The following DOCK6 variants were observed in gnomAD, a reference collection of about 807,000 sequenced individuals.
DOCK6 encodes dedicator of cytokinesis protein 6.
DOCK6 carries 167 observed loss-of-function variants against 230.3 expected under a neutral mutation model. That is an observed-to-expected ratio of 0.73 (90% CI 0.64 to 0.82). The LOEUF (loss-of-function observed/expected upper bound fraction) is 0.82, where lower values mean the gene tolerates loss of function less well. Ranked by LOEUF, DOCK6 falls within the 40% of genes least tolerant of loss-of-function variation. The pLI is 0.00. For synonymous variants in DOCK6, 1,148 were observed against 1,185.0 expected (o/e 0.97, Z 0.64); for missense variants, 2,598 against 2,825.8 (o/e 0.92, Z 1.83).
rs370375778 is a variant in DOCK6, at chr19:11,214,412, G to A, written c.4204-3C>T. 6.3e-5 allele frequency: 102 copies of A among 1,613,742 alleles called. No individual in the cohort carries two copies. The African/African-American group carries it at 1.2e-3, about 19-fold the overall frequency. On this transcript the variant is annotated splice_region_variant and splice_polypyrimidine_tract_variant and intron_variant, in intron 33 of 47. Coordinates refer to ENST00000294618, the MANE Select transcript of DOCK6 (RefSeq NM_020812.4). The stretch of plus-strand genomic sequence containing the variant: ...CGGGCTTCTGAAAGCATCACCGTCT[G>A]GAGGGAAGGGGGTCAGAAATCCAGG...
In DOCK6 at chr19:11,222,995, G is replaced by C. The variant is rs1330624998; in HGVS notation, c.3067C>G (p.Gln1023Glu). 6.2e-7 allele frequency: 1 copy of C among 1,613,646 alleles called. No homozygotes were observed. Among genetic ancestry groups the C allele is most frequent in the Non-Finnish European group, 8.5e-7 (1 of 1,179,848 alleles). ...ACCCTGCCCACGCCCACTCCTACCT[G>C]CTTGTAGTGGGCCCGGACCAGGCTG... is the stretch of plus-strand genomic sequence containing the variant. Reference protein sequence around the residue: ...VFSLVRAHYKQVATRLQSSPN... With the variant: ...VFSLVRAHYKEVATRLQSSPN... Residue 1023 changes from glutamine (Q) to glutamate (E), a missense_variant and splice_region_variant, in exon 25 of 48, where the codon CAG becomes GAG. Gln to Glu is a conservative substitution (Grantham distance 29). Coordinates refer to ENST00000294618, the MANE Select transcript of DOCK6 (RefSeq NM_020812.4). The surrounding 1 kb of genome is among the most constrained non-coding windows in gnomAD (Gnocchi z 4.0).
chr19:11,205,636 C>T (rs1211368852), intron 39 of DOCK6, among the ~76,000 whole-genome samples: 1 of 151,966 alleles, frequency 6.6e-6, no homozygotes, highest in African/African-American at 2.4e-5. Context: ...AGCCACTGCA[C>T]CCAGCCATAT....
intron 22 of DOCK6, chr19:11,232,145 G>GGT: frequency 7.9e-7 from 1 of 1,258,632 alleles, no homozygotes; most frequent in Non-Finnish European, 1.0e-6. Context: ...CTCATGCTGA[G>GGT]GTGGTGTCAC....
intron 39 of DOCK6, 28 bp from the exon 40 acceptor site, chr19:11,204,359 C>T (rs1568666345): frequency 6.2e-7 from 1 of 1,605,412 alleles, no homozygotes; most frequent in Admixed American, 1.7e-5. Flanking sequence ...TCAGGATTCC[C>T]CAAACTGTCT....
At position 11,235,667 on chromosome 19, in the gene DOCK6, A is replaced by G. The variant is rs759333842; in HGVS notation, c.2485T>C (p.Cys829Arg). Residue 829 changes from cysteine (C) to arginine (R), a missense_variant, in exon 21 of 48, where the codon TGC (cysteine) becomes CGC (arginine). Cys to Arg is a radical substitution (Grantham distance 180). Coordinates refer to ENST00000294618, the MANE Select transcript of DOCK6 (RefSeq NM_020812.4). ...TGGACGTAGGCAGCCAGCTGTGGGC[A>G]GTGACCGCGGGCATCCTGGGCTGCC... ...LEAAQDARGH[C>R]PQLAAYVHYA... is the part of the protein sequence containing the mutation. 32 of 1,602,830 alleles carry G rather than the reference A, an allele frequency of 2.0e-5. No homozygotes were observed. The South Asian group carries it at 2.5e-4, about 12-fold the overall frequency.
intron 14 of DOCK6, chr19:11,239,471 G>A (rs1362482376): frequency 1.6e-5 from 14 of 849,970 alleles, no homozygotes; most frequent in Non-Finnish European, 2.1e-5. Flanking sequence ...TGATCCCGGC[G>A]TGGCCTAGCC....
chr19:11,226,369 C>T (rs554176885), intron 24 of DOCK6, among the ~76,000 whole-genome samples: 17 of 152,228 alleles, frequency 1.1e-4, no homozygotes, highest in Middle Eastern at 3.4e-3. Context: ...TTTAATGATA[C>T]GATCCAAGGC....
intron 14 of DOCK6, among the ~76,000 whole-genome samples, chr19:11,239,265 T>C (rs1007829749): frequency 1.3e-5 from 2 of 152,190 alleles, no homozygotes; most frequent in African/African-American, 2.4e-5. Flanking sequence ...GATATTGTAA[T>C]GGCAGGTCAA....
chr19:11,216,021 C>T, intron 30 of DOCK6, 94 bp from the exon 31 acceptor site: 1 of 1,504,876 alleles, frequency 6.6e-7, no homozygotes, highest in South Asian at 1.2e-5. Flanking sequence ...TCTTTCTCAC[C>T]TCCGGGCCCC....
rs756553118 is a variant in DOCK6 at position 11,209,094 on chromosome 19, C to T, written c.4761G>A (p.Arg1587=). 7 of 1,611,532 alleles carry T rather than the reference C, an allele frequency of 4.3e-6. No individual in the cohort carries two copies. The Admixed American group carries it at 1.2e-4, about 27-fold the overall frequency. The part of the protein sequence containing the change: ...MLIDLMYRIA[R]GYQGSPDLRL... The stretch of plus-strand genomic sequence containing the variant: ...GAAGGTCCGGTGAGCCCTGGTAGCC[C>T]CGGGCAATTCTGGAGTCCAGGTGAG... Residue 1587 remains arginine, a synonymous_variant, in exon 38 of 48, where the codon CGG becomes CGA. Transcript: ENST00000294618.
chr19:11,201,815 ACCCTC>A lies in DOCK6; in HGVS notation c.5688+69_5688+73del. 26 of 1,322,766 alleles carry A rather than the reference ACCCTC, an allele frequency of 2.0e-5. No individual in the cohort carries two copies. Among genetic ancestry groups the A allele is most frequent in the East Asian group, 2.6e-5 (1 of 39,180 alleles). The allele number at this position is 1,322,766 out of a possible 1,614,324, so 81.9% of individuals were successfully genotyped here. ...ACCTTGGGTCTGGGTCCCTGTGTCT[ACCCTC>A]CCCTCCCCTCCCAGGGTCTGATGTC... On this transcript the variant is annotated intron_variant, in intron 44 of 47. Transcript: ENST00000294618. This position sits in a 1 kb window ranked among gnomAD's most constrained non-coding sequence, Gnocchi z 4.3.
intron 6 of DOCK6, among the ~76,000 whole-genome samples, chr19:11,249,233 C>G (rs1009347703): frequency 3.3e-5 from 5 of 152,174 alleles, no homozygotes; most frequent in Admixed American, 2.6e-4. Flanking sequence ...TATTTTCTGG[C>G]CAGGCGCAGT....
At chr19:11,242,343 GC>G in intron 13 of DOCK6, 136 bp from the exon 14 acceptor site, 1 of 927,090 alleles carries the variant, frequency 1.1e-6, no homozygotes, top group Non-Finnish European at 1.4e-6. Context: ...AGGCGCCAAG[GC>G]CAGAAATTGC....
Position 11,238,254 on chromosome 19 carries a change from C to A in DOCK6, c.1694G>T (p.Gly565Val), listed in dbSNP as rs748762673. The change falls in exon 15 of 48, where the codon GGC becomes GTC. Residue 565 changes from glycine to valine, a missense_variant. Transcript: ENST00000294618. ...PHSLNFSSRQ[G>V]SVRNLAVRVQ... Reference sequence around the variant, plus strand: ...TCGCACAGCAAGGTTGCGCACGGAGCCCTGGCGGCTGCTGAAGTTGAGGCT... The same window carrying A: ...TCGCACAGCAAGGTTGCGCACGGAGACCTGGCGGCTGCTGAAGTTGAGGCT... 1.9e-6 allele frequency: 3 copies of A among 1,613,130 alleles called. No homozygotes were observed. Among genetic ancestry groups the A allele is most frequent in the Non-Finnish European group, 2.5e-6 (3 of 1,179,426 alleles).
Position 11,214,291 on chromosome 19 carries a change from C to A in DOCK6, c.4322G>T (p.Arg1441Met), listed in dbSNP as rs1445600489. 6.2e-7 allele frequency: 1 copy of A among 1,612,100 alleles called. No individual in the cohort carries two copies. Among genetic ancestry groups the A allele is most frequent in the Non-Finnish European group, 8.5e-7 (1 of 1,179,318 alleles). ...LFLQHGLATQ[R>M]ALVSKFPELL... ...GGTGCTCACCTTGGACACAAGGGCC[C>A]TCTGGGTGGCCAGGCCATGCTGCAA... The change falls in exon 34 of 48, where the codon AGG becomes ATG. Residue 1441 changes from arginine to methionine, a missense_variant. Physicochemically the swap from Arg to Met is moderately conservative, Grantham distance 91. Transcript: ENST00000294618.
At chr19:11,244,874 G>T (rs1050849497) in intron 9 of DOCK6, among the ~76,000 whole-genome samples, 4 of 152,180 alleles carry the variant, frequency 2.6e-5, no homozygotes, top group African/African-American at 9.7e-5. Flanking sequence ...GATTACAGTT[G>T]TGAGTCACTG....
intron 21 of DOCK6, among the ~76,000 whole-genome samples, 161 bp downstream of exon 21, chr19:11,235,437 G>C (rs1380697534): frequency 6.6e-6 from 1 of 152,144 alleles, no homozygotes; most frequent in Admixed American, 6.5e-5. Flanking sequence ...TTTTAGTAGA[G>C]ACAGGGTTTC....
chr19:11,232,168 AC>A, intron 22 of DOCK6: 1 of 1,287,290 alleles, frequency 7.8e-7, no homozygotes, highest in Non-Finnish European at 1.0e-6. Context: ...GAGTGCAGGG[AC>A]AGGTAGGAAG....
intron 24 of DOCK6, among the ~76,000 whole-genome samples, chr19:11,224,113 C>T (rs1025887459): frequency 5.9e-5 from 9 of 151,952 alleles, no homozygotes; most frequent in Admixed American, 5.9e-4. Flanking sequence ...GTTCTATGTG[C>T]TTCAAAGACA....
Sources: allele counts gnomAD v4.1 joint callset (sites outside exome capture counted in the v4.1 genomes callset), GRCh38; gene constraint gnomAD v4.1.1; non-coding constraint Gnocchi (gnomAD v3.1); transcripts MANE v1.5; gene names NCBI Gene and HGNC (gene_info 2026-07-23, HGNC 2026-07-21).